Variants in ADAMTS17 observed in about 807,000 individuals in gnomAD.
The protein encoded by ADAMTS17 is A disintegrin and metalloproteinase with thrombospondin motifs 17.
ADAMTS17 carries 113 observed loss-of-function variants against 141.5 expected under a neutral mutation model. The ratio of observed to expected loss-of-function variants is 0.80; its 90% CI spans 0.69 to 0.93. The LOEUF is 0.93. Among genes scored for constraint, ADAMTS17 ranks in the 40% least tolerant of loss-of-function variants. The pLI, the probability that ADAMTS17 is intolerant of heterozygous loss-of-function variation, is 0.00. For synonymous variants in ADAMTS17, 768 were observed against 630.6 expected (o/e 1.22, Z -3.27); for missense variants, 1,659 against 1,517.9 (o/e 1.09, Z -1.54).
At chr15:100,267,954 G>A (rs534626701) in intron 4 of ADAMTS17, among the ~76,000 whole-genome samples, 4 of 152,132 alleles carry the variant, frequency 2.6e-5, no homozygotes, top group Admixed American at 6.5e-5. Context: ...ATCAAATACT[G>A]TAACTTATCC....
At chr15:100,308,975 C>T (rs1459712302) in intron 3 of ADAMTS17, among the ~76,000 whole-genome samples, 1 of 152,224 alleles carries the variant, frequency 6.6e-6, no homozygotes, top group African/African-American at 2.4e-5. Flanking sequence ...TCAGGGAAAA[C>T]TCTGATTTTC....
intron 12 of ADAMTS17, among the ~76,000 whole-genome samples, chr15:100,123,970 CT>C (rs11430256): frequency 5.8e-3 from 849 of 146,024 alleles, no homozygotes; most frequent in South Asian, 0.011. Flanking sequence ...TGTTCTAGGA[CT>C]TTTTTTTTTT....
intron 14 of ADAMTS17, among the ~76,000 whole-genome samples, chr15:100,105,416 C>T (rs1374207390): frequency 1.3e-5 from 2 of 152,174 alleles, no homozygotes; most frequent in Non-Finnish European, 1.5e-5. Context: ...GGTGGAGGCA[C>T]TGGAAATAGA....
intron 3 of ADAMTS17, among the ~76,000 whole-genome samples, chr15:100,283,334 A>C (rs1167519614): frequency 6.6e-6 from 1 of 152,184 alleles, no homozygotes; most frequent in Non-Finnish European, 1.5e-5. Flanking sequence ...TGGCAGAAGG[A>C]AAGAGGCCGC....
intron 18 of ADAMTS17, among the ~76,000 whole-genome samples, chr15:100,031,160 G>A (rs1190700422): frequency 6.6e-6 from 1 of 152,170 alleles, no homozygotes; most frequent in Non-Finnish European, 1.5e-5. Context: ...GGTGAGGTGG[G>A]GACCTGAGGT....
At chr15:100,116,153 A>AAC (rs1567201098) in intron 13 of ADAMTS17, among the ~76,000 whole-genome samples, 1 of 151,176 alleles carries the variant, frequency 6.6e-6, no homozygotes, top group African/African-American at 2.4e-5. Flanking sequence ...AAAAAAAAAA[A>AAC]AAAAACCCAA....
intron 3 of ADAMTS17, among the ~76,000 whole-genome samples, chr15:100,299,392 A>G (rs1232750869): frequency 1.3e-5 from 2 of 151,894 alleles, no homozygotes; most frequent in East Asian, 1.9e-4. Flanking sequence ...TCCGCAAAAA[A>G]CAAACGCCAG....
intron 3 of ADAMTS17, among the ~76,000 whole-genome samples, chr15:100,287,431 G>T (rs2044483075): frequency 6.6e-6 from 1 of 152,154 alleles, no homozygotes; most frequent in South Asian, 2.1e-4. Flanking sequence ...TGAAAGAGAA[G>T]GAGAGAAAGC....
chr15:100,160,755 C>T (rs1012279199), intron 8 of ADAMTS17, among the ~76,000 whole-genome samples: 2 of 152,168 alleles, frequency 1.3e-5, no homozygotes, highest in African/African-American at 2.4e-5. Flanking sequence ...TCTTGGGTTT[C>T]TGGAGTTTGT....
At chr15:100,186,506 C>T (rs564288375) in intron 8 of ADAMTS17, among the ~76,000 whole-genome samples, 2 of 152,334 alleles carry the variant, frequency 1.3e-5, no homozygotes, top group South Asian at 4.1e-4. Flanking sequence ...CATCTTGGCG[C>T]CATCTCAATG....
rs1201230155 is a variant in ADAMTS17 at position 99,973,640 on chromosome 15, G to A, written c.*762C>T. The stretch of plus-strand genomic sequence containing the variant: ...TTATGTCACAGCACCTTGAAGAGAG[G>A]CCCTTCTGTTTCCCTACACGGTGGA... On this transcript the variant is annotated 3_prime_UTR_variant, in exon 22 of 22. Coordinates refer to ENST00000268070, the MANE Select transcript of ADAMTS17 (RefSeq NM_139057.4). 6.6e-6 allele frequency: 1 copy of A among 152,174 alleles called. No homozygotes were observed. Among genetic ancestry groups the A allele is most frequent in the Non-Finnish European group, 1.5e-5 (1 of 68,310 alleles). The allele number at this position is 152,174 out of a possible 1,614,324, so 9.4% of individuals were successfully genotyped here. A position where few individuals can be genotyped will look rare whatever the true frequency, so the allele number is the denominator to read the frequency against.
chr15:100,172,884 G>GT (rs1444743643), intron 8 of ADAMTS17, among the ~76,000 whole-genome samples: 1 of 152,202 alleles, frequency 6.6e-6, no homozygotes, highest in African/African-American at 2.4e-5. Flanking sequence ...TTTCCTTGAG[G>GT]TACCGAGGAA....
chr15:100,242,367 GAGTA>G (rs1309420867), intron 7 of ADAMTS17, among the ~76,000 whole-genome samples: 1 of 152,224 alleles, frequency 6.6e-6, no homozygotes, highest in Non-Finnish European at 1.5e-5. Context: ...GTGGTAACTT[GAGTA>G]AGTCTCAGTG....
chr15:100,156,520 C>A (rs576396452), intron 8 of ADAMTS17, among the ~76,000 whole-genome samples: 21 of 152,304 alleles, frequency 1.4e-4, no homozygotes, highest in African/African-American at 5.1e-4. Context: ...CATGTGACTT[C>A]CCCCGTCAGT....
intron 15 of ADAMTS17, among the ~76,000 whole-genome samples, chr15:100,078,015 G>GAATC (rs139116070): frequency 0.16 from 23,616 of 151,814 alleles, 3,521 homozygotes; most frequent in African/African-American, 0.4. Context: ...GCATCAAAAA[G>GAATC]AAACACTTAG....
intron 7 of ADAMTS17, among the ~76,000 whole-genome samples, chr15:100,252,485 C>G (rs1340667271): frequency 6.6e-6 from 1 of 152,188 alleles, no homozygotes; most frequent in Non-Finnish European, 1.5e-5. Context: ...CGGGGCAAGC[C>G]AGGAAGCAGG....
At chr15:100,324,401 TTG>T (rs2045835859) in intron 3 of ADAMTS17, among the ~76,000 whole-genome samples, 2 of 152,212 alleles carry the variant, frequency 1.3e-5, no homozygotes, top group Non-Finnish European at 1.5e-5. Flanking sequence ...GGTTTCTTTT[TTG>T]TGTTTTGCCT....
intron 18 of ADAMTS17, among the ~76,000 whole-genome samples, chr15:100,020,414 A>G (rs1453043719): frequency 6.6e-6 from 1 of 152,192 alleles, no homozygotes; most frequent in African/African-American, 2.4e-5. Context: ...CAGGGCTCCA[A>G]CAGGACTGAG....
intron 18 of ADAMTS17, among the ~76,000 whole-genome samples, chr15:100,045,463 C>T (rs1349416641): frequency 1.3e-5 from 2 of 152,084 alleles, no homozygotes; most frequent in African/African-American, 2.4e-5. Flanking sequence ...GAATAAAACT[C>T]CAGGCACTGT....
Sources: allele counts gnomAD v4.1 joint callset (sites outside exome capture counted in the v4.1 genomes callset), GRCh38; gene constraint gnomAD v4.1.1; transcripts MANE v1.5; gene names NCBI Gene and HGNC (gene_info 2026-07-23, HGNC 2026-07-21).